Variants in SETD2 observed in about 807,000 individuals in gnomAD.
SETD2 encodes histone-lysine N-methyltransferase SETD2.
SETD2 carries 31 observed loss-of-function variants against 242.1 expected under a neutral mutation model. The ratio of observed to expected loss-of-function variants is 0.13; its 90% CI spans 0.10 to 0.17. The LOEUF is 0.17. Ranked by LOEUF, SETD2 falls within the 10% of genes least tolerant of loss-of-function variation. The pLI, the probability that SETD2 is intolerant of heterozygous loss-of-function variation, is 1.00. For missense variants in SETD2, 2,481 were observed against 3,046.3 expected, an observed-to-expected ratio of 0.81 and a Z score of 4.37; for synonymous variants, 1,006 against 1,066.5, an observed-to-expected ratio of 0.94 and a Z score of 1.11.
intron 8 of SETD2, among the ~76,000 whole-genome samples, chr3:47,101,240 G>A (rs1046136444): frequency 6.6e-6 from 1 of 152,096 alleles, no homozygotes; most frequent in Non-Finnish European, 1.5e-5. Flanking sequence ...TAGACCATAT[G>A]AAGTTGAGGA....
At chr3:47,019,905 TC>T in intron 18 of SETD2, 65 bp from the exon 19 acceptor site, 1 of 1,328,566 alleles carries the variant, frequency 7.5e-7, no homozygotes, top group Non-Finnish European at 1.1e-6. Context: ...TGCCCTACTG[TC>T]CCAGAACCCT....
rs868490284 is a variant in SETD2 at position 47,146,402 on chromosome 3, C to T, written c.71+17452G>A. Reference sequence around the variant, plus strand: ...CCACACTTTGGGAGGCCGAGGCAGGCGGATCACCTGAGGTCAGGAGTTCAA... The same window carrying T: ...CCACACTTTGGGAGGCCGAGGCAGGTGGATCACCTGAGGTCAGGAGTTCAA... On this transcript the variant is annotated intron_variant, in intron 1 of 20. Transcript: ENST00000409792. Among the ~76,000 whole-genome samples the T allele has an allele frequency of 5.3e-5, 8 of 152,096 alleles. No homozygotes were observed. The South Asian group carries it at 1.5e-3, about 28-fold the overall frequency.
intron 14 of SETD2, among the ~76,000 whole-genome samples, chr3:47,060,988 T>G (rs1315053016): frequency 6.6e-6 from 1 of 152,098 alleles, no homozygotes; most frequent in Admixed American, 6.5e-5. Flanking sequence ...TTTGGGAGGC[T>G]GAGGCAGATT....
chr3:47,150,820 C>T (rs758160462), intron 1 of SETD2, among the ~76,000 whole-genome samples: 2 of 150,420 alleles, frequency 1.3e-5, no homozygotes, highest in African/African-American at 4.9e-5. Flanking sequence ...TAAAATTAGG[C>T]GTAGTGGGAG....
At chr3:47,101,127 G>A (rs1299774126) in intron 8 of SETD2, among the ~76,000 whole-genome samples, 2 of 151,480 alleles carry the variant, frequency 1.3e-5, no homozygotes, top group Admixed American at 6.6e-5. Flanking sequence ...GCTGAATAAC[G>A]GATACAGAGG....
At position 47,163,949 on chromosome 3, in the gene SETD2, C is replaced by G. The variant is rs750880179; in HGVS notation, c.-25G>C. 8 of 1,275,598 alleles carry G rather than the reference C, an allele frequency of 6.3e-6. No individual in the cohort carries two copies. Among genetic ancestry groups the G allele is most frequent in the Non-Finnish European group, 8.0e-6 (8 of 1,004,844 alleles). The allele number at this position is 1,275,598 out of a possible 1,614,324, so 79.0% of individuals were successfully genotyped here. On this transcript the variant is annotated 5_prime_UTR_variant, in exon 1 of 21. Coordinates refer to ENST00000409792, the MANE Select transcript of SETD2 (RefSeq NM_014159.7). Reference sequence around the variant, plus strand: ...TCGGGAGCGGCTGGAGACGGCGACGCGAGCCCCCTCCCCGCAGCAGGGCGA... The same window carrying G: ...TCGGGAGCGGCTGGAGACGGCGACGGGAGCCCCCTCCCCGCAGCAGGGCGA...
intron 1 of SETD2, among the ~76,000 whole-genome samples, chr3:47,136,284 TC>T: frequency 6.6e-6 from 1 of 152,158 alleles, no homozygotes; most frequent in African/African-American, 2.4e-5. Context: ...TAGTCCCTCC[TC>T]CTCATTCTCT....
chr3:47,050,719 C>CTTTTTT (rs1288356381), intron 15 of SETD2, among the ~76,000 whole-genome samples: 2 of 79,754 alleles, frequency 2.5e-5, no homozygotes, highest in Non-Finnish European at 5.3e-5. Context: ...TACATTTCCT[C>CTTTTTT]TCTCTTTTTT....
chr3:47,137,747 T>C (rs1191027443), intron 1 of SETD2, among the ~76,000 whole-genome samples: 41 of 148,482 alleles, frequency 2.8e-4, no homozygotes, highest in Middle Eastern at 3.6e-3. Context: ...AGTGCAATAG[T>C]GCGATCTTGG....
intron 12 of SETD2, 148 bp from the exon 13 acceptor site, chr3:47,067,266 A>C (rs2040596889): frequency 4.6e-6 from 3 of 650,262 alleles, no homozygotes; most frequent in Non-Finnish European, 2.7e-6. Flanking sequence ...CTGGGCTTTA[A>C]ATAAGAATAT....
At chr3:47,112,838 C>A (rs2042712621) in intron 5 of SETD2, among the ~76,000 whole-genome samples, 1 of 152,210 alleles carries the variant, frequency 6.6e-6, no homozygotes, top group South Asian at 2.1e-4. Context: ...GATCCACTCA[C>A]CTTGGCTTCC....
chr3:47,164,017 CGGCGGCG>C lies in SETD2; in HGVS notation c.-100_-94del, dbSNP rs1697593518. 6 of 40,118 alleles carry C rather than the reference CGGCGGCG, an allele frequency of 1.5e-4. No homozygotes were observed. Among genetic ancestry groups the C allele is most frequent in the Non-Finnish European group, 1.2e-4 (4 of 32,034 alleles). The allele number at this position is 40,118 out of a possible 1,614,324, so 2.5% of individuals were successfully genotyped here. A position where few individuals can be genotyped will look rare whatever the true frequency, so the allele number is the denominator to read the frequency against. On this transcript the variant is annotated 5_prime_UTR_variant, in exon 1 of 21. Coordinates refer to ENST00000409792, the MANE Select transcript of SETD2 (RefSeq NM_014159.7). This position sits in a 1 kb window ranked among gnomAD's most constrained non-coding sequence, Gnocchi z 5.4. ...GAGGAGGCCGCAGGTCCGACCGCGG[CGGCGGCG>C]GCGGCGGCGGCGGCGGCGGCAGGGG...
At chr3:47,055,770 T>TG (rs1237256314) in intron 15 of SETD2, among the ~76,000 whole-genome samples, 1 of 151,880 alleles carries the variant, frequency 6.6e-6, no homozygotes, top group Non-Finnish European at 1.5e-5. Context: ...ACCAGCACTT[T>TG]GGGAGGCCGA....
chr3:47,063,122 G>A (rs1246446365), intron 13 of SETD2, among the ~76,000 whole-genome samples: 2 of 151,972 alleles, frequency 1.3e-5, no homozygotes, highest in East Asian at 3.9e-4. Flanking sequence ...CTCCTTATAG[G>A]CTGGTTTCAT....
intron 15 of SETD2, among the ~76,000 whole-genome samples, chr3:47,053,162 A>C (rs989147297): frequency 3.3e-5 from 5 of 152,164 alleles, no homozygotes; most frequent in African/African-American, 1.2e-4. Flanking sequence ...TGCTGGGATT[A>C]CAGGAGTGAG....
At chr3:47,156,565 C>G (rs1156419250) in intron 1 of SETD2, among the ~76,000 whole-genome samples, 1 of 152,124 alleles carries the variant, frequency 6.6e-6, no homozygotes, top group Admixed American at 6.5e-5. Flanking sequence ...GAGGTATACC[C>G]TAGCCTAAGC....
chr3:47,032,439 G>A (rs1431122010), intron 18 of SETD2, among the ~76,000 whole-genome samples: 1 of 151,856 alleles, frequency 6.6e-6, no homozygotes, highest in Non-Finnish European at 1.5e-5. Context: ...AACCCTGATG[G>A]TGCCACTGCA....
intron 1 of SETD2, 139 bp downstream of exon 1, chr3:47,163,715 T>G: frequency 6.0e-6 from 4 of 667,956 alleles, no homozygotes; most frequent in Non-Finnish European, 6.0e-6. Context: ...GCGGGCCTGC[T>G]CCCGACACCG....
intron 12 of SETD2, among the ~76,000 whole-genome samples, chr3:47,071,810 TACA>T (rs1216251559): frequency 6.6e-6 from 1 of 152,182 alleles, no homozygotes; most frequent in African/African-American, 2.4e-5. Flanking sequence ...TGGCTTACTT[TACA>T]ACGTTTTCTT....
Sources: gnomAD v4.1 joint callset for allele counts (sites outside exome capture counted in the v4.1 genomes callset) on GRCh38, gnomAD v4.1.1 for gene constraint, Gnocchi (gnomAD v3.1) non-coding constraint, MANE v1.5 for transcripts, NCBI Gene and HGNC (gene_info 2026-07-23, HGNC 2026-07-21) for gene names.